PRAG1: variants seen among roughly 807,000 people sequenced by gnomAD.
PRAG1 encodes PEAK1 related, kinase-activating pseudokinase 1.
In PRAG1, 110 loss-of-function variants were observed where a neutral mutation model predicts 95.6. That is an observed-to-expected ratio of 1.15 (90% CI 0.99 to 1.35). The LOEUF is 1.35. PRAG1 is among the 40% of genes most tolerant of loss of function. The pLI is 0.00. For missense variants in PRAG1, 2,554 were observed against 1,864.7 expected (o/e 1.37, Z -6.81); for synonymous variants, 1,052 against 819.4 (o/e 1.28, Z -4.85).
intron 3 of PRAG1, among the ~76,000 whole-genome samples, chr8:8,347,504 C>G (rs907068164): frequency 4.1e-4 from 62 of 152,254 alleles, no homozygotes; most frequent in African/African-American, 1.5e-3. Context: ...CTAAGTTTCT[C>G]TTCATTTATT....
At chr8:8,348,260 C>G (rs969668026) in intron 3 of PRAG1, among the ~76,000 whole-genome samples, 1 of 152,154 alleles carries the variant, frequency 6.6e-6, no homozygotes, top group South Asian at 2.1e-4. Flanking sequence ...TAAAAGCACC[C>G]TGACTCAAAA....
At position 8,318,183 on chromosome 8, in the gene PRAG1, G is replaced by C; in HGVS notation, c.4192C>G (p.Gln1398Glu). Residue 1398 changes from glutamine (Q) to glutamate (E), a missense_variant, in exon 6 of 6, where the codon CAG (glutamine) becomes GAG (glutamate). Gln to Glu is a conservative substitution (Grantham distance 29). Transcript: ENST00000615670. This position sits in a 1 kb window ranked among gnomAD's most constrained non-coding sequence, Gnocchi z 4.2. Reference protein sequence around the residue: ...LASAEPGALLQSLKLLQLL With the variant: ...LASAEPGALLESLKLLQLL ...AGAAGCTGCAGGAGCTTCAGCGACT[G>C]TAAGAGGGCCCCGGGCTCCGCAGAC... 6.2e-7 allele frequency: 1 copy of C among 1,613,818 alleles called. No individual in the cohort carries two copies. Among genetic ancestry groups the C allele is most frequent in the Non-Finnish European group, 8.5e-7 (1 of 1,179,926 alleles).
intron 3 of PRAG1, among the ~76,000 whole-genome samples, chr8:8,363,427 A>G (rs1005204147): frequency 8.5e-5 from 13 of 152,234 alleles, no homozygotes; most frequent in Admixed American, 5.2e-4. Context: ...AAGATGGATG[A>G]AACTTGAGAA....
Position 8,368,091 on chromosome 8 carries a change from T to C in PRAG1, c.2162+8156A>G, listed in dbSNP as rs1196723992. Among the ~76,000 whole-genome samples the C allele has an allele frequency of 2.0e-5, 3 of 152,248 alleles. No homozygotes were observed. In the East Asian group the frequency reaches 5.8e-4, roughly 29 times the overall value. On this transcript the variant is annotated intron_variant, in intron 3 of 5. Coordinates refer to ENST00000615670, the MANE Select transcript of PRAG1 (RefSeq NM_001080826.3). ...TAGGTTTTAGACTTTAGAAAAGTTA[T>C]CATAGCACAAGTATAAATTGGTATG...
chr8:8,336,733 T>C (rs926540950), intron 4 of PRAG1, among the ~76,000 whole-genome samples: 1 of 150,500 alleles, frequency 6.6e-6, no homozygotes, highest in African/African-American at 2.4e-5. Context: ...CTTCAGCCAT[T>C]GACTCTGATA....
At chr8:8,359,104 T>C (rs935500181) in intron 3 of PRAG1, among the ~76,000 whole-genome samples, 6 of 152,236 alleles carry the variant, frequency 3.9e-5, no homozygotes, top group Admixed American at 1.3e-4. Flanking sequence ...AAACTATTAG[T>C]TCTAACACTT....
chr8:8,377,478 A>C lies in PRAG1; in HGVS notation c.931T>G (p.Cys311Gly). 1 of 1,550,844 alleles carries C rather than the reference A, an allele frequency of 6.4e-7. No individual in the cohort carries two copies. Among genetic ancestry groups the C allele is most frequent in the South Asian group, 1.2e-5 (1 of 80,090 alleles). Reference protein sequence around the residue: ...EKRGPSFPKECCSQGPTAHPS... With the variant: ...EKRGPSFPKEGCSQGPTAHPS... ...TGGGCAGTGGGGCCCTGGCTACAGC[A>C]CTCCTTGGGGAAGCTCGGGCCCCGC... Residue 311 changes from cysteine (C) to glycine (G), a missense_variant, in exon 3 of 6, where the codon TGC becomes GGC. Cys to Gly is a radical substitution (Grantham distance 159). Transcript: ENST00000615670.
chr8:8,378,589 G>C (rs1004498161), intron 2 of PRAG1, among the ~76,000 whole-genome samples: 9 of 152,148 alleles, frequency 5.9e-5, no homozygotes, highest in African/African-American at 1.9e-4. Context: ...GCCAGATGCC[G>C]TGGCTCATAC....
At chr8:8,349,797 T>C (rs1290971575) in intron 3 of PRAG1, among the ~76,000 whole-genome samples, 1 of 152,130 alleles carries the variant, frequency 6.6e-6, no homozygotes, top group African/African-American at 2.4e-5. Context: ...GCCTGTTAAT[T>C]TGCATTTTCA....
At chr8:8,319,426 A>G in intron 5 of PRAG1, 124 bp from the exon 6 acceptor site, 1 of 634,236 alleles carries the variant, frequency 1.6e-6, no homozygotes, top group Admixed American at 3.8e-5. Flanking sequence ...GGTAAGAGCA[A>G]TCCATACACA....
chr8:8,327,912 C>A lies in PRAG1; in HGVS notation c.2870G>T (p.Gly957Val), dbSNP rs199704462. Reference sequence around the variant, plus strand: ...GCGGGCCAGGGACTGGGTGTAGAGTCCCCCCAGCTTGGCATAGGTGCCCTC... The same window carrying A: ...GCGGGCCAGGGACTGGGTGTAGAGTACCCCCAGCTTGGCATAGGTGCCCTC... ...SKEGTYAKLG[G>V]LYTQSLARLV... is the part of the protein sequence containing the mutation. Residue 957 changes from glycine (G) to valine (V), a missense_variant, in exon 5 of 6, where the codon GGA (glycine) becomes GTA (valine). Gly to Val is a moderately radical substitution (Grantham distance 109). Coordinates refer to ENST00000615670, the MANE Select transcript of PRAG1 (RefSeq NM_001080826.3). 144 of 1,613,786 alleles carry A rather than the reference C, an allele frequency of 8.9e-5. No individual in the cohort carries two copies. The highest frequency in any genetic ancestry group is 2.5e-6 in the Non-Finnish European group (3 of 1,179,862).
Position 8,377,975 on chromosome 8 carries a change from G to A in PRAG1, c.434C>T (p.Pro145Leu). The change falls in exon 3 of 6, where the codon CCC becomes CTC. Residue 145 changes from proline to leucine, a missense_variant. Pro to Leu is a moderately conservative substitution (Grantham distance 98). Coordinates refer to ENST00000615670, the MANE Select transcript of PRAG1 (RefSeq NM_001080826.3). ...AGAATTGCCATCAGGGGAGGTAGAG[G>A]GACCAGCAGGCTTCTGTACACCTCG... is the stretch of plus-strand genomic sequence containing the variant. ...SFRGVQKPAG[P>L]STSPDGNSRC... 1 of 1,613,304 alleles carries A rather than the reference G, an allele frequency of 6.2e-7. No homozygotes were observed. The highest frequency in any genetic ancestry group is 1.1e-5 in the South Asian group (1 of 90,968).
At chr8:8,378,126 G>GA in intron 2 of PRAG1, 48 bp from the exon 3 acceptor site, 1 of 1,499,992 alleles carries the variant, frequency 6.7e-7, no homozygotes, top group Non-Finnish European at 8.8e-7. Flanking sequence ...ACTTGTCATA[G>GA]AAAAAAGAGA....
chr8:8,335,253 G>C (rs886559610), intron 4 of PRAG1, among the ~76,000 whole-genome samples: 2 of 152,270 alleles, frequency 1.3e-5, no homozygotes, highest in Non-Finnish European at 1.5e-5. Flanking sequence ...CTTACTGTAA[G>C]TCTTGCAATG....
intron 5 of PRAG1, among the ~76,000 whole-genome samples, chr8:8,326,416 G>C (rs1333880609): frequency 6.6e-6 from 1 of 152,084 alleles, no homozygotes; most frequent in Non-Finnish European, 1.5e-5. Flanking sequence ...TCTTAGGGCA[G>C]GTGATGAGAG....
chr8:8,385,706 G>T (rs141840912), intron 1 of PRAG1, among the ~76,000 whole-genome samples: 17 of 152,338 alleles, frequency 1.1e-4, no homozygotes, highest in South Asian at 2.1e-4. Context: ...CGAATGCCCG[G>T]CCGCCTCCAT....
chr8:8,336,154 C>T (rs1227038181), intron 4 of PRAG1, among the ~76,000 whole-genome samples: 1 of 152,168 alleles, frequency 6.6e-6, no homozygotes, highest in East Asian at 1.9e-4. Context: ...CCAATGGTTT[C>T]AGTTCAACAG....
chr8:8,375,511 T>C (rs1195348923), intron 3 of PRAG1, among the ~76,000 whole-genome samples: 1 of 152,128 alleles, frequency 6.6e-6, no homozygotes, highest in Non-Finnish European at 1.5e-5. Flanking sequence ...CATTTTTTTC[T>C]TTAAAAACCC....
Position 8,381,404 on chromosome 8 carries a change from T to C in PRAG1, c.330+14A>G, listed in dbSNP as rs373761094. 4.4e-6 allele frequency: 7 copies of C among 1,594,188 alleles called. No homozygotes were observed. The highest frequency in any genetic ancestry group is 1.7e-4 in the Middle Eastern group (1 of 6,006). On this transcript the variant is annotated intron_variant, in intron 2 of 5. Coordinates refer to ENST00000615670, the MANE Select transcript of PRAG1 (RefSeq NM_001080826.3). ...AGCCCCTGTAAAAATACCACGAGTG[T>C]TAGTCAGCCTCACCTGCGAGACTTC...
Sources: gnomAD v4.1 joint callset for allele counts (sites outside exome capture counted in the v4.1 genomes callset) on GRCh38, gnomAD v4.1.1 for gene constraint, Gnocchi (gnomAD v3.1) non-coding constraint, MANE v1.5 for transcripts, NCBI Gene and HGNC (gene_info 2026-07-23, HGNC 2026-07-21) for gene names.